SEMA4A: variants seen among roughly 807,000 people sequenced by gnomAD.
SEMA4A encodes semaphorin 4A.
Under a neutral mutation model 72.5 loss-of-function variants are expected in SEMA4A, and 52 were observed. The ratio of observed to expected loss-of-function variants is 0.72; its 90% CI spans 0.57 to 0.90. The LOEUF (loss-of-function observed/expected upper bound fraction) is 0.90, where lower values mean the gene tolerates loss of function less well. Ranked by LOEUF, SEMA4A falls within the 40% of genes least tolerant of loss-of-function variation. The probability of loss-of-function intolerance (pLI) is 0.00; values close to 1 mark genes in which losing one functional copy is unlikely to be tolerated. For synonymous variants in SEMA4A, 369 were observed against 393.1 expected (o/e 0.94, Z 0.73); for missense variants, 926 against 959.7 (o/e 0.96, Z 0.46).
At chr1:156,158,009 C>G in intron 3 of SEMA4A, 61 bp from the exon 4 acceptor site, 1 of 1,559,070 alleles carries the variant, frequency 6.4e-7, no homozygotes. Context: ...GGAGGCAGGT[C>G]ACAGCTAGAA....
At chr1:156,172,151 TCTGTCGC>T (rs2102998885) in intron 10 of SEMA4A, among the ~76,000 whole-genome samples, 1 of 151,766 alleles carries the variant, frequency 6.6e-6, no homozygotes, top group Non-Finnish European at 1.5e-5. Flanking sequence ...GGAGTCTCTC[TCTGTCGC>T]CCAGGTTGGA....
In SEMA4A at chr1:156,176,822, C is replaced by T. The variant is rs1254471376; in HGVS notation, c.2111C>T (p.Ala704Val). The change falls in exon 15 of 15, where the codon GCC (alanine) becomes GTC (valine). Residue 704 changes from alanine (A) to valine (V), a missense_variant. Transcript: ENST00000368285. ...TCAGGAGCCCTCATCATCCTCGTGG[C>T]CTCCCCATTGAGAGCACTCCGGGCT... The part of the protein sequence containing the change: ...VLSGALIILV[A>V]SPLRALRARG... The T allele has an allele frequency of 1.2e-6, 2 of 1,614,196 alleles. No homozygotes were observed. The highest frequency in any genetic ancestry group is 3.3e-5 in the Admixed American group (2 of 60,028).
Position 156,177,072 on chromosome 1 carries a change from T to C in SEMA4A, c.*75T>C. The C allele has an allele frequency of 2.3e-6, 3 of 1,296,548 alleles. No individual in the cohort carries two copies. The highest frequency in any genetic ancestry group is 3.3e-6 in the Non-Finnish European group (3 of 910,640). 80.3% of individuals were successfully genotyped at this position (1,296,548 alleles called of 1,614,324 possible). ...TGGGCGGCCCAAGCACAGCCCTGAC[T>C]AGGATGACAGCAGCACAAAAGACCA... is the stretch of plus-strand genomic sequence containing the variant. On this transcript the variant is annotated 3_prime_UTR_variant, in exon 15 of 15. Coordinates refer to ENST00000368285, the MANE Select transcript of SEMA4A (RefSeq NM_022367.4).
intron 6 of SEMA4A, chr1:156,159,167 C>G (rs564903659): frequency 2.7e-4 from 89 of 330,278 alleles, no homozygotes; most frequent in Non-Finnish European, 3.7e-4. Context: ...AACCCCATCT[C>G]TACTAAAAAT....
chr1:156,161,998 C>T (rs965343546), intron 9 of SEMA4A, among the ~76,000 whole-genome samples: 10 of 152,210 alleles, frequency 6.6e-5, no homozygotes, highest in African/African-American at 1.7e-4. Context: ...TGCGGTGGCT[C>T]ATGCCTGTAA....
intron 10 of SEMA4A, among the ~76,000 whole-genome samples, chr1:156,165,874 T>C (rs1481006174): frequency 6.6e-6 from 1 of 151,360 alleles, no homozygotes; most frequent in Non-Finnish European, 1.5e-5. Flanking sequence ...TTCTTTCAGT[T>C]CTGAGTTTTC....
intron 10 of SEMA4A, among the ~76,000 whole-genome samples, chr1:156,172,186 C>T (rs1021345095): frequency 4.0e-5 from 6 of 151,666 alleles, no homozygotes; most frequent in East Asian, 1.9e-4. Context: ...GGCACAATCT[C>T]GGCTCACTGC....
chr1:156,161,615 AC>A, intron 9 of SEMA4A, 97 bp downstream of exon 9: 1 of 1,329,690 alleles, frequency 7.5e-7, no homozygotes, highest in Non-Finnish European at 1.1e-6. Context: ...ATGAGCCAGC[AC>A]CTACTCAGCA....
chr1:156,176,549 T>C lies in SEMA4A; in HGVS notation c.1838T>C (p.Ile613Thr), dbSNP rs372911558. Residue 613 changes from isoleucine (I) to threonine (T), a missense_variant, in exon 15 of 15, where the codon ATA becomes ACA. By Grantham distance (89) the Ile-to-Thr change is moderately conservative. Coordinates refer to ENST00000368285, the MANE Select transcript of SEMA4A (RefSeq NM_022367.4). ...GTCTACAATGGCTCCCTCTTGCTGA[T>C]AGTGCAGGATGGAGTTGGGGGTCTC... ...STVYNGSLLL[I>T]VQDGVGGLYQ... 6.2e-7 allele frequency: 1 copy of C among 1,614,178 alleles called. No homozygotes were observed. Among genetic ancestry groups the C allele is most frequent in the Non-Finnish European group, 8.5e-7 (1 of 1,180,030 alleles).
At chr1:156,175,746 C>T (rs1015794595) in intron 14 of SEMA4A, 90 bp downstream of exon 14, 1 of 908,856 alleles carries the variant, frequency 1.1e-6, no homozygotes, top group Admixed American at 2.0e-5. Flanking sequence ...TTTCCTCCCC[C>T]AGCACCTGCC....
At chr1:156,168,670 G>T (rs1654414362) in intron 10 of SEMA4A, among the ~76,000 whole-genome samples, 1 of 152,090 alleles carries the variant, frequency 6.6e-6, no homozygotes, top group African/African-American at 2.4e-5. Context: ...CCTTGAAGCT[G>T]TTTGGAGCTC....
In SEMA4A at chr1:156,173,010, A is replaced by C. The variant is rs773104851; in HGVS notation, c.1315+4A>C. 5.0e-6 allele frequency: 8 copies of C among 1,613,766 alleles called. No individual in the cohort carries two copies. In the South Asian group the frequency reaches 8.8e-5, roughly 18 times the overall value. On this transcript the variant is annotated splice_donor_region_variant and intron_variant, in intron 11 of 14. Coordinates refer to ENST00000368285, the MANE Select transcript of SEMA4A (RefSeq NM_022367.4). ...CTTGTCATGTACCTGGGAACCAGTG[A>C]GTAAAGAGTTCCGGGACATCCCCCA...
upstream of SEMA4A, chr1:156,153,224 G>C (rs769878114): frequency 3.9e-5 from 6 of 152,164 alleles, no homozygotes; most frequent in Non-Finnish European, 8.8e-5. Context: ...GAGGTTTAAA[G>C]GTTAGACCAC....
intron 10 of SEMA4A, among the ~76,000 whole-genome samples, chr1:156,165,633 CTGGTTT>C (rs1455732107): frequency 6.6e-6 from 1 of 151,928 alleles, no homozygotes; most frequent in Non-Finnish European, 1.5e-5. Flanking sequence ...TGAATGTAAC[CTGGTTT>C]TATTTCACTG....
chr1:156,152,972 AG>A (rs996546845), upstream of SEMA4A, among the ~76,000 whole-genome samples: 31 of 151,968 alleles, frequency 2.0e-4, no homozygotes, highest in African/African-American at 7.0e-4. Context: ...GCCTTTAGGG[AG>A]GGGTGAGCAG....
In SEMA4A at chr1:156,176,473, T is replaced by C; in HGVS notation, c.1762T>C (p.Ser588Pro). ...CTGCCCCCACCTGTCAGCCTTGGCC[T>C]CTTATTATTGGAGTCATGGCCCAGC... ...LPCPHLSALA[S>P]YYWSHGPAAV... is the part of the protein sequence containing the mutation. The change falls in exon 15 of 15, where the codon TCT (serine) becomes CCT (proline). Residue 588 changes from serine to proline, a missense_variant. Coordinates refer to ENST00000368285, the MANE Select transcript of SEMA4A (RefSeq NM_022367.4). The C allele has an allele frequency of 6.2e-7, 1 of 1,614,132 alleles. No individual in the cohort carries two copies. Among genetic ancestry groups the C allele is most frequent in the Non-Finnish European group, 8.5e-7 (1 of 1,180,018 alleles).
At chr1:156,170,623 G>A (rs189892408) in intron 10 of SEMA4A, among the ~76,000 whole-genome samples, 2,355 of 151,550 alleles carry the variant, frequency 0.016, 65 homozygotes, top group African/African-American at 0.055. Context: ...GCGTGGTGGC[G>A]GGCGCCTGTA....
rs377053262 is a variant in SEMA4A, at chr1:156,174,972, C to T, written c.1434+32C>T. ...AGGGACCTGACCATCAAATGGCCTTCCAGTGGGGCTGGCCTTGGGGGCCTG... is the reference window on the plus strand; with the variant it reads ...AGGGACCTGACCATCAAATGGCCTTTCAGTGGGGCTGGCCTTGGGGGCCTG... On this transcript the variant is annotated intron_variant, in intron 12 of 14. Transcript: ENST00000368285. 1.2e-4 allele frequency: 186 copies of T among 1,614,136 alleles called. 1 individual carries two copies. Among genetic ancestry groups the T allele is most frequent in the Non-Finnish European group, 1.5e-4 (177 of 1,180,050 alleles).
At chr1:156,152,632 G>A (rs1246717707), upstream of SEMA4A, among the ~76,000 whole-genome samples, 4 of 152,218 alleles carry the variant, frequency 2.6e-5, no homozygotes, top group African/African-American at 4.8e-5. Flanking sequence ...ACCAACCCCC[G>A]GGGAAACTGA....
Sources: allele counts gnomAD v4.1 joint callset (sites outside exome capture counted in the v4.1 genomes callset), GRCh38; gene constraint gnomAD v4.1.1; transcripts MANE v1.5; gene names NCBI Gene and HGNC (gene_info 2026-07-23, HGNC 2026-07-21).